MROH7: variants seen among roughly 807,000 people sequenced by gnomAD.
MROH7 encodes the protein maestro heat like repeat family member 7.
Under a neutral mutation model 129.2 loss-of-function variants are expected in MROH7, and 113 were observed. The ratio of observed to expected loss-of-function variants is 0.87; its 90% confidence interval spans 0.75 to 1.02. MROH7 has a LOEUF of 1.02. MROH7 is among the 50% of genes least tolerant of loss of function. The pLI, the probability that MROH7 is intolerant of heterozygous loss-of-function variation, is 0.00. For missense variants in MROH7, 1,601 were observed against 1,671.3 expected, an observed-to-expected ratio of 0.96 and a Z score of 0.73; for synonymous variants, 655 against 667.9, an observed-to-expected ratio of 0.98 and a Z score of 0.30.
chr1:54,698,825 T>C (rs1406885091), intron 17 of MROH7: 1 of 151,520 alleles, frequency 6.6e-6, no homozygotes, highest in Non-Finnish European at 1.5e-5. Context: ...CGGCGTTTCA[T>C]TCTTGTCTCC....
At chr1:54,694,943 C>G (rs1315072107) in intron 16 of MROH7, among the ~76,000 whole-genome samples, 1 of 152,182 alleles carries the variant, frequency 6.6e-6, no homozygotes, top group Non-Finnish European at 1.5e-5. Context: ...ACACTTAGAG[C>G]CTCTGTTTCC....
chr1:54,661,487 C>T (rs1210553271), intron 3 of MROH7, among the ~76,000 whole-genome samples: 1 of 152,212 alleles, frequency 6.6e-6, no homozygotes, highest in Non-Finnish European at 1.5e-5. Flanking sequence ...GCTGGTATTA[C>T]AGGCATGAAC....
At chr1:54,704,709 G>C (rs978609754) in intron 21 of MROH7, among the ~76,000 whole-genome samples, 1 of 148,396 alleles carries the variant, frequency 6.7e-6, no homozygotes, top group African/African-American at 2.5e-5. Context: ...GCCTCCCAAA[G>C]TGCTGGGATT....
intron 17 of MROH7, among the ~76,000 whole-genome samples, chr1:54,696,304 A>T (rs1331139443): frequency 7.9e-5 from 12 of 152,200 alleles, no homozygotes; most frequent in East Asian, 7.7e-4. Context: ...TTTAGTTTTT[A>T]AAAAATTGTG....
chr1:54,642,328 C>T (rs1260335639), intron 1 of MROH7, among the ~76,000 whole-genome samples: 1 of 152,194 alleles, frequency 6.6e-6, no homozygotes, highest in South Asian at 2.1e-4. Context: ...CAGGTCCACA[C>T]AGCTGGTGAG....
rs977268173 is a variant in MROH7, at chr1:54,709,594, C to A, written c.3731-352C>A. Among the ~76,000 whole-genome samples, 10 of 152,174 alleles carry A rather than the reference C, an allele frequency of 6.6e-5. No homozygotes were observed. The East Asian group carries it at 1.9e-3, about 29-fold the overall frequency. On this transcript the variant is annotated intron_variant, in intron 23 of 23. Transcript: ENST00000421030. The stretch of plus-strand genomic sequence containing the variant: ...TTACCAAGAGACAGAACACACAGCC[C>A]CACCCAAGGGGAGCTCACAATCTCA...
rs1644579677 is a variant in MROH7 at position 54,652,954 on chromosome 1, G to A, written c.28G>A (p.Val10Ile). The A allele has an allele frequency of 6.2e-7, 1 of 1,607,596 alleles. No homozygotes were observed. Among genetic ancestry groups the A allele is most frequent in the Non-Finnish European group, 8.5e-7 (1 of 1,177,122 alleles). ...GGCCCTGAGTCCAGGGGCTAACCTG[G>A]TCTTCCATGAAGACCCAAAGATGAC... MALSPGANLVFHEDPKMTPS... is the reference protein window; with the variant it reads MALSPGANLIFHEDPKMTPS... The change falls in exon 3 of 24, where the codon GTC becomes ATC. Residue 10 changes from valine to isoleucine, a missense_variant. Physicochemically the swap from Val to Ile is conservative, Grantham distance 29. Coordinates refer to ENST00000421030, the MANE Select transcript of MROH7 (RefSeq NM_001039464.4).
chr1:54,694,873 T>G (rs947007764), intron 16 of MROH7, among the ~76,000 whole-genome samples: 5 of 152,228 alleles, frequency 3.3e-5, no homozygotes, highest in African/African-American at 1.2e-4. Flanking sequence ...AGCTGGAATG[T>G]GAGCCCTCGG....
rs71045201 is a variant in MROH7, at chr1:54,654,680, GA to G, written c.1231+532del. Among the ~76,000 whole-genome samples the G allele has an allele frequency of 2.7e-5, 4 of 150,934 alleles. No homozygotes were observed. In the East Asian group the frequency reaches 5.9e-4, roughly 22 times the overall value. On this transcript the variant is annotated intron_variant, in intron 3 of 23. Transcript: ENST00000421030. ...AAGAGCAAAACTCCGTCTCAAAAAA[GA>G]AAAAAAAATCACTGTATAATACTTC... is the stretch of plus-strand genomic sequence containing the variant.
intron 3 of MROH7, among the ~76,000 whole-genome samples, chr1:54,657,860 C>T (rs1020702963): frequency 3.9e-5 from 6 of 151,988 alleles, no homozygotes; most frequent in Non-Finnish European, 8.8e-5. Context: ...GGGGTTTTAC[C>T]TTGTTGGCCA....
intron 7 of MROH7, among the ~76,000 whole-genome samples, chr1:54,672,768 C>T (rs1185697425): frequency 6.6e-6 from 1 of 152,094 alleles, no homozygotes; most frequent in Non-Finnish European, 1.5e-5. Context: ...ATGAGAAAAA[C>T]AATTTGTGGA....
intron 18 of MROH7, 151 bp downstream of exon 18, chr1:54,700,612 T>A: frequency 1.4e-6 from 1 of 716,022 alleles, no homozygotes. Flanking sequence ...AAAATAGATA[T>A]CCTTTAAAAA....
chr1:54,686,550 C>T (rs17110938), intron 15 of MROH7, 102 bp downstream of exon 15: 170,379 of 1,070,222 alleles, frequency 0.16, 14,730 homozygotes, highest in Admixed American at 0.3. Context: ...CAATAGAAAT[C>T]AGCTTTGGGA....
Position 54,674,602 on chromosome 1 carries a change from A to C in MROH7, c.1936+451A>C, listed in dbSNP as rs116567589. ...GTGGGTGCTCAGTGAATATCTATTG[A>C]ATGAATGAATAAAGAACAGCTTCTG... On this transcript the variant is annotated intron_variant, in intron 10 of 23. Coordinates refer to ENST00000421030, the MANE Select transcript of MROH7 (RefSeq NM_001039464.4). Among the ~76,000 whole-genome samples the C allele has an allele frequency of 1.4e-3, 220 of 152,280 alleles. 1 individual carries two copies. Among genetic ancestry groups the C allele is most frequent in the African/African-American group, 4.8e-3 (201 of 41,560 alleles).
chr1:54,674,517 G>T (rs1312708959), intron 10 of MROH7, among the ~76,000 whole-genome samples: 1 of 152,112 alleles, frequency 6.6e-6, no homozygotes, highest in Admixed American at 6.6e-5. Context: ...TGAGGGAAGG[G>T]CAGGGCTGTA....
intron 17 of MROH7, chr1:54,699,293 ATTTC>A (rs1437512579): frequency 1.0e-5 from 1 of 99,852 alleles, no homozygotes; most frequent in Non-Finnish European, 2.1e-5. Context: ...CTCTCTCTTT[ATTTC>A]TTTCTTTATT....
Position 54,674,098 on chromosome 1 carries a change from G to T in MROH7, c.1883G>T (p.Cys628Phe). 1 of 1,614,004 alleles carries T rather than the reference G, an allele frequency of 6.2e-7. No individual in the cohort carries two copies. Among genetic ancestry groups the T allele is most frequent in the Non-Finnish European group, 8.5e-7 (1 of 1,179,902 alleles). The stretch of plus-strand genomic sequence containing the variant: ...GGGGATCCTGATGAGGAGATTGGCT[G>T]TGAGGCTCTGGACGGCATCATCATC... Reference protein sequence around the residue: ...HIGDPDEEIGCEALDGIIILY... With the variant: ...HIGDPDEEIGFEALDGIIILY... Residue 628 changes from cysteine (C) to phenylalanine (F), a missense_variant, in exon 10 of 24, where the codon TGT becomes TTT. Cys to Phe is a radical substitution (Grantham distance 205). Transcript: ENST00000421030.
chr1:54,655,437 C>T (rs554477125), intron 3 of MROH7, among the ~76,000 whole-genome samples: 1 of 152,116 alleles, frequency 6.6e-6, no homozygotes, highest in Admixed American at 6.6e-5. Context: ...GTGGTGTGAT[C>T]ATAGCTCCTT....
intron 4 of MROH7, among the ~76,000 whole-genome samples, chr1:54,667,387 G>A (rs1237868272): frequency 6.6e-6 from 1 of 151,926 alleles, no homozygotes; most frequent in Non-Finnish European, 1.5e-5. Flanking sequence ...TTGGGAGGCT[G>A]AGGTGGGAGG....
Sources: gnomAD v4.1 joint callset for allele counts (sites outside exome capture counted in the v4.1 genomes callset) on GRCh38, gnomAD v4.1.1 for gene constraint, MANE v1.5 for transcripts, NCBI Gene and HGNC (gene_info 2026-07-23, HGNC 2026-07-21) for gene names.